The following PTPRQ variants were observed in gnomAD, a reference collection of about 807,000 sequenced individuals.
PTPRQ encodes the protein phosphatidylinositol phosphatase PTPRQ.
In PTPRQ, 199 loss-of-function variants were observed where a neutral mutation model predicts 246.0. The observed-to-expected ratio is 0.81, with a 90% CI of 0.72 to 0.91. The LOEUF (loss-of-function observed/expected upper bound fraction) is 0.91, where lower values mean the gene tolerates loss of function less well. Among genes scored for constraint, PTPRQ ranks in the 40% least tolerant of loss-of-function variants. PTPRQ has a pLI of 0.00. For missense variants in PTPRQ, 2,624 were observed against 2,528.4 expected, an observed-to-expected ratio of 1.04 and a Z score of -0.81; for synonymous variants, 869 against 853.2, an observed-to-expected ratio of 1.02 and a Z score of -0.32.
intron 3 of PTPRQ, among the ~76,000 whole-genome samples, chr12:80,451,002 T>G (rs1242168386): frequency 6.6e-6 from 1 of 152,242 alleles, no homozygotes; most frequent in East Asian, 1.9e-4. Flanking sequence ...TGAATCCGTC[T>G]GGTCCTGGAC....
In PTPRQ at chr12:80,514,402, A is replaced by ACACACACACTCTCTCT. The variant is rs552667526; in HGVS notation, c.2678+3960_2678+3961insACACACACTCTCTCTC. On this transcript the variant is annotated intron_variant, in intron 17 of 44. Coordinates refer to ENST00000644991, the MANE Select transcript of PTPRQ (RefSeq NM_001145026.2). ...CACACACACACACACACACACACAC[A>ACACACACACTCTCTCT]CTCTCTCTCTCTCTCTCTGCTTTAA... 2.2e-3 allele frequency among the ~76,000 whole-genome samples: 245 copies of ACACACACACTCTCTCT among 113,010 alleles called. 1 individual carries two copies. The highest frequency in any genetic ancestry group is 6.5e-3 in the South Asian group (20 of 3,088). The allele number at this position is 113,010 out of a possible 152,430, so 74.1% of individuals were successfully genotyped here.
chr12:80,520,257 G>A (rs73147048), intron 17 of PTPRQ, among the ~76,000 whole-genome samples: 28,984 of 151,906 alleles, frequency 0.19, 2,955 homozygotes, highest in Middle Eastern at 0.24. Flanking sequence ...ATCCTGTGGC[G>A]GTTTCCCCCA....
At chr12:80,503,466 C>A (rs1162880278) in intron 14 of PTPRQ, among the ~76,000 whole-genome samples, 1 of 151,724 alleles carries the variant, frequency 6.6e-6, no homozygotes, top group African/African-American at 2.4e-5. Context: ...TGGTAACAAT[C>A]AAGGGGAGGG....
intron 25 of PTPRQ, among the ~76,000 whole-genome samples, chr12:80,565,488 C>T (rs946822901): frequency 1.3e-5 from 2 of 152,136 alleles, no homozygotes; most frequent in Non-Finnish European, 2.9e-5. Context: ...TCAACCTCCT[C>T]CCCTATTTTT....
chr12:80,656,567 C>A (rs182250678), intron 38 of PTPRQ, among the ~76,000 whole-genome samples: 1 of 152,130 alleles, frequency 6.6e-6, no homozygotes, highest in African/African-American at 2.4e-5. Flanking sequence ...ATTATAATAT[C>A]AACTTGGTAA....
At chr12:80,520,574 T>C (rs1592608328) in intron 17 of PTPRQ, among the ~76,000 whole-genome samples, 1 of 141,198 alleles carries the variant, frequency 7.1e-6, no homozygotes, top group South Asian at 2.3e-4. Flanking sequence ...TGTGTTCTCA[T>C]TGTTCAATTC....
chr12:80,577,943 G>A (rs920728777), intron 25 of PTPRQ, among the ~76,000 whole-genome samples: 1 of 152,046 alleles, frequency 6.6e-6, no homozygotes. Context: ...AGAGAGAGTT[G>A]CACATGAACG....
At chr12:80,474,769 A>G (rs1893759988) in intron 8 of PTPRQ, among the ~76,000 whole-genome samples, 1 of 152,224 alleles carries the variant, frequency 6.6e-6, no homozygotes, top group African/African-American at 2.4e-5. Flanking sequence ...GCAGACTGTG[A>G]TGCTTCAATA....
At chr12:80,565,258 C>G (rs1896943740) in intron 25 of PTPRQ, among the ~76,000 whole-genome samples, 1 of 152,162 alleles carries the variant, frequency 6.6e-6, no homozygotes, top group African/African-American at 2.4e-5. Context: ...TTGGGTTACT[C>G]TGCATAATTC....
intron 14 of PTPRQ, among the ~76,000 whole-genome samples, chr12:80,498,818 A>G (rs1894707947): frequency 6.6e-6 from 1 of 151,986 alleles, no homozygotes. Context: ...CATCAAGAAC[A>G]CCTTATTTTA....
intron 39 of PTPRQ, among the ~76,000 whole-genome samples, chr12:80,665,484 A>G (rs1446551721): frequency 6.6e-6 from 1 of 151,970 alleles, no homozygotes; most frequent in African/African-American, 2.4e-5. Flanking sequence ...TTCCTACCTG[A>G]ATATCTAATA....
At chr12:80,613,039 T>A (rs1898613532) in intron 28 of PTPRQ, among the ~76,000 whole-genome samples, 1 of 150,470 alleles carries the variant, frequency 6.6e-6, no homozygotes, top group Non-Finnish European at 1.5e-5. Context: ...TTATATCTTG[T>A]TTACGGTGGT....
Position 80,605,200 on chromosome 12 carries a change from C to T in PTPRQ, c.4731+20C>T, listed in dbSNP as rs905306195. On this transcript the variant is annotated intron_variant, in intron 27 of 44. Transcript: ENST00000644991. Reference sequence around the variant, plus strand: ...AAATCGGTAAGGCATGTCTTACCTTCTGTAAAAGCCAGTATAAAATGGTTA... The same window carrying T: ...AAATCGGTAAGGCATGTCTTACCTTTTGTAAAAGCCAGTATAAAATGGTTA... The T allele has an allele frequency of 3.9e-6, 6 of 1,534,368 alleles. No homozygotes were observed. The highest frequency in any genetic ancestry group is 5.3e-6 in the Non-Finnish European group (6 of 1,138,760).
At chr12:80,521,441 C>T (rs1433774718) in intron 17 of PTPRQ, among the ~76,000 whole-genome samples, 1 of 152,162 alleles carries the variant, frequency 6.6e-6, no homozygotes, top group Admixed American at 6.5e-5. Flanking sequence ...CTTGCCCATG[C>T]CTATGTCCTG....
intron 6 of PTPRQ, 25 bp from the exon 7 acceptor site, chr12:80,468,685 T>A (rs12296942): frequency 6.6e-7 from 1 of 1,513,546 alleles, no homozygotes; most frequent in Middle Eastern, 2.0e-4. Context: ...ATATGTTATG[T>A]ATTTATTTTC....
intron 17 of PTPRQ, among the ~76,000 whole-genome samples, chr12:80,510,717 T>C (rs1712312152): frequency 6.6e-6 from 1 of 152,182 alleles, no homozygotes; most frequent in Admixed American, 6.5e-5. Context: ...ACAAGTCAAT[T>C]TGTATGAATG....
chr12:80,603,159 C>T (rs80173589), intron 26 of PTPRQ, among the ~76,000 whole-genome samples: 2,157 of 151,768 alleles, frequency 0.014, 57 homozygotes, highest in African/African-American at 0.049. Context: ...ATTCCGAGTT[C>T]TTTTTATTAA....
intron 31 of PTPRQ, 46 bp downstream of exon 31, chr12:80,619,588 T>A: frequency 3.6e-6 from 5 of 1,392,250 alleles, no homozygotes; most frequent in Non-Finnish European, 4.7e-6. Flanking sequence ...GGAGTGTAGA[T>A]TACTGAGTGC....
intron 17 of PTPRQ, among the ~76,000 whole-genome samples, chr12:80,529,356 C>A (rs991276159): frequency 6.6e-6 from 1 of 152,042 alleles, no homozygotes; most frequent in Admixed American, 6.6e-5. Context: ...AAAATAAATT[C>A]ACAAAAATGA....
Sources: gnomAD v4.1 joint callset for allele counts (sites outside exome capture counted in the v4.1 genomes callset) on GRCh38, gnomAD v4.1.1 for gene constraint, MANE v1.5 for transcripts, NCBI Gene and HGNC (gene_info 2026-07-23, HGNC 2026-07-21) for gene names.